The following CSMD1 variants were observed in gnomAD, a reference collection of about 807,000 sequenced individuals.
CSMD1 encodes CUB and sushi domain-containing protein 1.
CSMD1 carries 213 observed loss-of-function variants against 417.5 expected under a neutral mutation model. The observed-to-expected ratio is 0.51, with a 90% CI of 0.46 to 0.57. The LOEUF is 0.57. Among genes scored for constraint, CSMD1 ranks in the 20% least tolerant of loss-of-function variants. The probability of loss-of-function intolerance (pLI) is 0.00; values close to 1 mark genes in which losing one functional copy is unlikely to be tolerated. For missense variants in CSMD1, 6,923 were observed against 4,529.7 expected (o/e 1.53, Z -15.17); for synonymous variants, 2,862 against 1,736.8 (o/e 1.65, Z -16.11).
rs1658817 is a variant in CSMD1 at position 4,419,831 on chromosome 8, A to C, written c.415+122T>G. The C allele has an allele frequency of 1.9e-4, 121 of 643,786 alleles. No individual in the cohort carries two copies. The African/African-American group carries it at 1.9e-3, about 10-fold the overall frequency. 39.9% of individuals were successfully genotyped at this position (643,786 alleles called of 1,614,324 possible). ...ATGCCATTGCATTACACAGAAGCCAAATGTCTACACCACGGAACGACCTGC... is the reference window on the plus strand; with the variant it reads ...ATGCCATTGCATTACACAGAAGCCACATGTCTACACCACGGAACGACCTGC... On this transcript the variant is annotated intron_variant, in intron 3 of 69. Coordinates refer to ENST00000635120, the MANE Select transcript of CSMD1 (RefSeq NM_033225.6).
intron 3 of CSMD1, among the ~76,000 whole-genome samples, chr8:4,299,352 T>C (rs1181542475): frequency 6.6e-6 from 1 of 152,182 alleles, no homozygotes; most frequent in Non-Finnish European, 1.5e-5. Context: ...GGTTTTTACT[T>C]GACATATTGT....
At chr8:4,513,277 C>A (rs117037270) in intron 2 of CSMD1, among the ~76,000 whole-genome samples, 1 of 151,960 alleles carries the variant, frequency 6.6e-6, no homozygotes, top group East Asian at 1.9e-4. Context: ...TTTTTTTAAC[C>A]TTCCCCTTAA....
chr8:4,979,894 C>G (rs991107906), intron 1 of CSMD1, among the ~76,000 whole-genome samples: 1 of 148,668 alleles, frequency 6.7e-6, no homozygotes, highest in Non-Finnish European at 1.5e-5. Flanking sequence ...AAAAATTAGC[C>G]AGGCGTGAAG....
At chr8:4,133,478 T>G (rs1157275329) in intron 3 of CSMD1, among the ~76,000 whole-genome samples, 7 of 152,192 alleles carry the variant, frequency 4.6e-5, no homozygotes, top group Admixed American at 4.6e-4. Flanking sequence ...CCAAATCAGC[T>G]AGTATAGAAG....
rs1436459250 is a variant in CSMD1, at chr8:3,860,211, G to C, written c.819-106169C>G. Among the ~76,000 whole-genome samples, 8 of 152,270 alleles carry C rather than the reference G, an allele frequency of 5.3e-5. No individual in the cohort carries two copies. In the East Asian group the frequency reaches 1.5e-3, roughly 29 times the overall value. ...AGTGATTCATATGAAAGTAGGAACAGCACCAGGTCGTGTTCTCCAACTGCC... is the reference window on the plus strand; with the variant it reads ...AGTGATTCATATGAAAGTAGGAACACCACCAGGTCGTGTTCTCCAACTGCC... On this transcript the variant is annotated intron_variant, in intron 5 of 69. Transcript: ENST00000635120.
intron 5 of CSMD1, among the ~76,000 whole-genome samples, chr8:3,770,114 C>G (rs1798490179): frequency 6.6e-6 from 1 of 152,206 alleles, no homozygotes; most frequent in Non-Finnish European, 1.5e-5. Context: ...GCGATTGGCA[C>G]AGCTGTCTCC....
intron 5 of CSMD1, among the ~76,000 whole-genome samples, chr8:3,856,041 T>A (rs887222081): frequency 1.3e-5 from 2 of 152,248 alleles, no homozygotes; most frequent in East Asian, 3.9e-4. Flanking sequence ...AACTTTTATG[T>A]CATTCACATC....
chr8:3,987,357 T>G (rs1563288010), intron 5 of CSMD1, among the ~76,000 whole-genome samples: 1 of 152,238 alleles, frequency 6.6e-6, no homozygotes, highest in East Asian at 1.9e-4. Context: ...GCAACTGCAT[T>G]GCTTATTTGT....
At chr8:4,771,663 A>C (rs1451846558) in intron 1 of CSMD1, among the ~76,000 whole-genome samples, 2 of 152,200 alleles carry the variant, frequency 1.3e-5, no homozygotes, top group Non-Finnish European at 2.9e-5. Context: ...GTCAAATTAA[A>C]ACATACGCAA....
At chr8:3,932,646 T>A (rs937628184) in intron 5 of CSMD1, among the ~76,000 whole-genome samples, 3 of 150,526 alleles carry the variant, frequency 2.0e-5, no homozygotes, top group Admixed American at 6.6e-5. Flanking sequence ...TTTTGCATGT[T>A]ATTAGGGAAT....
At chr8:4,481,191 G>A (rs1337608753) in intron 2 of CSMD1, among the ~76,000 whole-genome samples, 1 of 152,172 alleles carries the variant, frequency 6.6e-6, no homozygotes, top group Non-Finnish European at 1.5e-5. Context: ...ATAGTCAATT[G>A]TGCTTGTTTA....
intron 1 of CSMD1, among the ~76,000 whole-genome samples, chr8:4,811,678 G>C (rs981037493): frequency 1.7e-4 from 26 of 151,872 alleles, no homozygotes; most frequent in East Asian, 1.5e-3. Flanking sequence ...ATTTCTATTG[G>C]CTCATTGAGT....
chr8:3,600,226 C>A (rs750076198), intron 8 of CSMD1, among the ~76,000 whole-genome samples: 4 of 152,204 alleles, frequency 2.6e-5, no homozygotes, highest in Non-Finnish European at 5.9e-5. Flanking sequence ...TTCTCCTTTT[C>A]TCCTTCTCCT....
At chr8:3,229,415 T>G (rs1486890638) in intron 27 of CSMD1, among the ~76,000 whole-genome samples, 1 of 152,210 alleles carries the variant, frequency 6.6e-6, no homozygotes, top group East Asian at 1.9e-4. Flanking sequence ...CTATTTTACA[T>G]AAAATATATA....
At chr8:4,395,866 CTT>C (rs1211988769) in intron 3 of CSMD1, among the ~76,000 whole-genome samples, 1 of 152,152 alleles carries the variant, frequency 6.6e-6, no homozygotes, top group Non-Finnish European at 1.5e-5. Flanking sequence ...CCATTACAGT[CTT>C]TAATTCGGTA....
intron 1 of CSMD1, among the ~76,000 whole-genome samples, chr8:4,713,426 G>C (rs1220719835): frequency 1.4e-5 from 2 of 146,550 alleles, no homozygotes; most frequent in Non-Finnish European, 3.0e-5. Flanking sequence ...TTTTGAGACA[G>C]ACTCTCCCTC....
intron 1 of CSMD1, among the ~76,000 whole-genome samples, chr8:4,739,583 C>A (rs1360621197): frequency 6.6e-6 from 1 of 152,122 alleles, no homozygotes; most frequent in African/African-American, 2.4e-5. Flanking sequence ...TAAATGAGAA[C>A]AGGTCTCCTT....
intron 37 of CSMD1, among the ~76,000 whole-genome samples, chr8:3,180,680 G>T (rs747420): frequency 1.3e-5 from 2 of 151,950 alleles, no homozygotes; most frequent in Non-Finnish European, 2.9e-5. Flanking sequence ...CTGTCACCCG[G>T]GCTGGTGTGC....
chr8:4,374,242 T>A (rs966281794), intron 3 of CSMD1, among the ~76,000 whole-genome samples: 10 of 152,138 alleles, frequency 6.6e-5, no homozygotes, highest in Non-Finnish European at 1.3e-4. Flanking sequence ...ATCATCACCA[T>A]CACTAACGTG....
Sources: allele counts gnomAD v4.1 joint callset (sites outside exome capture counted in the v4.1 genomes callset), GRCh38; gene constraint gnomAD v4.1.1; transcripts MANE v1.5; gene names NCBI Gene and HGNC (gene_info 2026-07-23, HGNC 2026-07-21).